Variants in TRHDE observed in about 807,000 individuals in gnomAD.
The protein encoded by TRHDE is thyrotropin releasing hormone degrading enzyme.
TRHDE carries 72 observed loss-of-function variants against 125.7 expected under a neutral mutation model. The ratio of observed to expected loss-of-function variants is 0.57; its 90% CI spans 0.47 to 0.70. The LOEUF is 0.70. Ranked by LOEUF, TRHDE falls within the 30% of genes least tolerant of loss-of-function variation. The pLI is 0.00. For missense variants in TRHDE, 1,110 were observed against 1,327.1 expected, an observed-to-expected ratio of 0.84 and a Z score of 2.54; for synonymous variants, 509 against 509.1, an observed-to-expected ratio of 1.00 and a Z score of 0.00.
chr12:72,475,088 T>C (rs1038111417), intron 5 of TRHDE, among the ~76,000 whole-genome samples: 1 of 152,142 alleles, frequency 6.6e-6, no homozygotes, highest in Non-Finnish European at 1.5e-5. Flanking sequence ...TCAAATTAAT[T>C]AACAATGCCT....
chr12:72,634,658 C>CA (rs1555203871), intron 15 of TRHDE, among the ~76,000 whole-genome samples: 1 of 144,898 alleles, frequency 6.9e-6, no homozygotes, highest in Non-Finnish European at 1.5e-5. Context: ...CCCCTCCCCC[C>CA]AACCCACAAC....
intron 2 of TRHDE, among the ~76,000 whole-genome samples, chr12:72,233,616 C>T (rs1406356612): frequency 6.6e-6 from 1 of 152,070 alleles, no homozygotes; most frequent in Non-Finnish European, 1.5e-5. Context: ...TAGACTAGGC[C>T]ATTACTTAGC....
chr12:72,250,017 T>A (rs4497446), intron 2 of TRHDE, among the ~76,000 whole-genome samples: 51,829 of 151,980 alleles, frequency 0.34, 8,884 homozygotes, highest in African/African-American at 0.36. Context: ...ATATAAAAAA[T>A]TATGCTGAAG....
intron 2 of TRHDE, chr12:72,186,630 A>ATT (rs34530986): frequency 1.5e-4 from 23 of 151,442 alleles, no homozygotes; most frequent in Non-Finnish European, 2.4e-4. Flanking sequence ...CAAGGTAAGG[A>ATT]TTTTTTTTTT....
At position 72,313,215 on chromosome 12, in the gene TRHDE, T is replaced by A. The variant is rs530008863; in HGVS notation, c.1188+26261T>A. 1.4e-3 allele frequency among the ~76,000 whole-genome samples: 216 copies of A among 152,192 alleles called. 1 individual carries two copies. The highest frequency in any genetic ancestry group is 2.7e-3 in the Non-Finnish European group (182 of 67,982). ...AGTTTCAGCGTATTGATGGATTTTT[T>A]AAAAAATTTCAGACTTTATTGGCAT... On this transcript the variant is annotated intron_variant, in intron 2 of 18. Transcript: ENST00000261180.
chr12:72,238,326 ATATATATACACATTATAT>A lies in TRHDE; in HGVS notation n.279+132575_279+132592del, dbSNP rs1425795080. On this transcript the variant is annotated intron_variant and non_coding_transcript_variant, in intron 2 of 4. Transcript: ENST00000548156. ...TATATATATATATATATATATACAT[ATATATATACACATTATAT>A]ATATATATATATATATATACACATA... is the stretch of plus-strand genomic sequence containing the variant. Among the ~76,000 whole-genome samples, 5 of 41,280 alleles carry A rather than the reference ATATATATACACATTATAT, an allele frequency of 1.2e-4. 1 individual carries two copies. Among genetic ancestry groups the A allele is most frequent in the African/African-American group, 1.8e-4 (2 of 11,228 alleles). The allele number at this position is 41,280 out of a possible 152,430, so 27.1% of individuals were successfully genotyped here. A position where few individuals can be genotyped will look rare whatever the true frequency, so the allele number is the denominator to read the frequency against.
At position 72,562,892 on chromosome 12, in the gene TRHDE, G is replaced by A; in HGVS notation, c.1894G>A (p.Val632Ile). 6.3e-7 allele frequency: 1 copy of A among 1,596,280 alleles called. No homozygotes were observed. Among genetic ancestry groups the A allele is most frequent in the Admixed American group, 1.8e-5 (1 of 54,782 alleles). ...RNGKYVNIQE[V>I]MDQWTLQMGY... is the part of the protein sequence containing the mutation. ...TGGGAAATATGTAAATATACAAGAAGTAATGGATCAGTGGACACTCCAGAT... is the reference window on the plus strand; with the variant it reads ...TGGGAAATATGTAAATATACAAGAAATAATGGATCAGTGGACACTCCAGAT... The change falls in exon 9 of 19, where the codon GTA (valine) becomes ATA (isoleucine). Residue 632 changes from valine (V) to isoleucine (I), a missense_variant. Val to Ile is a conservative substitution (Grantham distance 29). Around this residue, in one of 5 missense-constraint regions of TRHDE, gnomAD observed 527 missense variants for 651.8 expected, o/e 0.81. Coordinates refer to ENST00000261180, the MANE Select transcript of TRHDE (RefSeq NM_013381.3).
At chr12:72,337,891 T>C (rs939616063) in intron 2 of TRHDE, among the ~76,000 whole-genome samples, 2 of 152,096 alleles carry the variant, frequency 1.3e-5, no homozygotes, top group African/African-American at 4.8e-5. Flanking sequence ...TTGCACGTAA[T>C]TGGCTGTGGT....
At chr12:72,182,116 A>G (rs959965627) in intron 2 of TRHDE, among the ~76,000 whole-genome samples, 10 of 152,164 alleles carry the variant, frequency 6.6e-5, no homozygotes, top group Non-Finnish European at 1.2e-4. Flanking sequence ...AGAGCCCTGA[A>G]ATGTTAGAAA....
intron 15 of TRHDE, among the ~76,000 whole-genome samples, chr12:72,636,245 A>G (rs1202141934): frequency 6.6e-6 from 1 of 151,186 alleles, no homozygotes; most frequent in Non-Finnish European, 1.5e-5. Flanking sequence ...ATTCCTAGGT[A>G]TTTTATTCTC....
At chr12:72,316,511 C>A (rs1868810574) in intron 2 of TRHDE, among the ~76,000 whole-genome samples, 1 of 152,144 alleles carries the variant, frequency 6.6e-6, no homozygotes, top group Non-Finnish European at 1.5e-5. Context: ...CCACCAGCAC[C>A]CATCATGGCA....
At chr12:72,170,566 C>G (rs182986717) in intron 2 of TRHDE, among the ~76,000 whole-genome samples, 2 of 151,988 alleles carry the variant, frequency 1.3e-5, no homozygotes, top group African/African-American at 4.8e-5. Flanking sequence ...TCAGGACCAC[C>G]TGGAGTGGTT....
intron 12 of TRHDE, among the ~76,000 whole-genome samples, chr12:72,579,277 AT>A (rs1174226871): frequency 6.6e-6 from 1 of 152,092 alleles, no homozygotes; most frequent in African/African-American, 2.4e-5. Context: ...CTGCATTATA[AT>A]GAATGGTATA....
chr12:72,314,221 C>T (rs1394484844), intron 2 of TRHDE, among the ~76,000 whole-genome samples: 1 of 151,938 alleles, frequency 6.6e-6, no homozygotes, highest in Non-Finnish European at 1.5e-5. Context: ...ACAGCAGACA[C>T]CAGGTCTTGT....
chr12:72,340,720 G>C (rs980937975), intron 2 of TRHDE, among the ~76,000 whole-genome samples: 6 of 152,196 alleles, frequency 3.9e-5, no homozygotes, highest in South Asian at 2.1e-4. Flanking sequence ...GGAGAAAAAG[G>C]CTTGCCCTCA....
intron 2 of TRHDE, among the ~76,000 whole-genome samples, chr12:72,250,748 C>G (rs1036959773): frequency 1.3e-5 from 2 of 150,568 alleles, no homozygotes; most frequent in Non-Finnish European, 3.0e-5. Flanking sequence ...GAGATAGTCT[C>G]AAAGCCTAAT....
chr12:72,333,541 T>C (rs181223422), intron 2 of TRHDE, among the ~76,000 whole-genome samples: 2 of 152,324 alleles, frequency 1.3e-5, no homozygotes, highest in African/African-American at 4.8e-5. Flanking sequence ...TCTTGTTCTA[T>C]GCACTACAAG....
Position 72,286,804 on chromosome 12 carries a change from A to G in TRHDE, c.1038A>G (p.Leu346=). The change falls in exon 2 of 19, where the codon TTA becomes TTG. Residue 346 remains leucine, a synonymous_variant. Transcript: ENST00000261180. The part of the protein sequence containing the change: ...SIKHQATYLS[L]SNMPVETSVF... ...AGCATCAAGCAACCTATTTATCTTT[A>G]TCTAATATGCCAGTGGAAACTTCCG... The G allele has an allele frequency of 6.2e-7, 1 of 1,613,866 alleles. No homozygotes were observed. The highest frequency in any genetic ancestry group is 8.5e-7 in the Non-Finnish European group (1 of 1,179,990).
At chr12:72,482,392 A>G (rs940504376) in intron 5 of TRHDE, among the ~76,000 whole-genome samples, 1 of 151,956 alleles carries the variant, frequency 6.6e-6, no homozygotes, top group Non-Finnish European at 1.5e-5. Context: ...AAAATTGGGC[A>G]TGGTAAGTTT....
Sources: gnomAD v4.1 joint callset for allele counts (sites outside exome capture counted in the v4.1 genomes callset) on GRCh38, gnomAD v4.1.1 for gene constraint, gnomAD v4.1.1 regional missense constraint, MANE v1.5 for transcripts, NCBI Gene and HGNC (gene_info 2026-07-23, HGNC 2026-07-21) for gene names.